RXFP1: variants seen among roughly 807,000 people sequenced by gnomAD.
RXFP1 encodes relaxin family peptide receptor 1.
A neutral mutation model predicts 89.8 loss-of-function variants in RXFP1; 73 were observed. The ratio of observed to expected loss-of-function variants is 0.81; its 90% CI spans 0.67 to 0.99. The LOEUF (loss-of-function observed/expected upper bound fraction) is 0.99, where lower values mean the gene tolerates loss of function less well. Among genes scored for constraint, RXFP1 ranks in the 50% least tolerant of loss-of-function variants. The pLI, the probability that RXFP1 is intolerant of heterozygous loss-of-function variation, is 0.00. For synonymous variants in RXFP1, 277 were observed against 305.5 expected (o/e 0.91, Z 0.97); for missense variants, 793 against 895.5 (o/e 0.89, Z 1.46).
chr4:158,527,202 A>G (rs1742724051), intron 1 of RXFP1, among the ~76,000 whole-genome samples: 1 of 152,128 alleles, frequency 6.6e-6, no homozygotes, highest in Non-Finnish European at 1.5e-5. Flanking sequence ...TTGAGTATCC[A>G]CTTGAACTAA....
rs1763735254 is a variant in RXFP1 at position 158,612,355 on chromosome 4, ATTCTC to A, written c.676_680del (p.Leu226SerfsTer5). ...AACATTTTATGGACTAAATTCTCTT[ATTCTC>A]TTGTAAGTACTAAACTAAAGCAAAT... On this transcript the variant is annotated frameshift_variant and splice_region_variant, in exon 8 of 18. Transcript: ENST00000307765. LOFTEE classifies it high-confidence loss of function. 2.5e-6 allele frequency: 4 copies of A among 1,602,428 alleles called. No homozygotes were observed. The highest frequency in any genetic ancestry group is 3.4e-6 in the Non-Finnish European group (4 of 1,170,738).
chr4:158,595,030 G>A (rs1182650933), intron 3 of RXFP1, among the ~76,000 whole-genome samples: 1 of 152,244 alleles, frequency 6.6e-6, no homozygotes, highest in East Asian at 1.9e-4. Flanking sequence ...TAAGCACAAT[G>A]TATTATGTAG....
intron 3 of RXFP1, among the ~76,000 whole-genome samples, chr4:158,595,939 AG>A (rs1760483920): frequency 6.6e-6 from 1 of 151,672 alleles, no homozygotes; most frequent in Admixed American, 6.6e-5. Flanking sequence ...ACTTGAGACC[AG>A]GAGTTCAAGA....
At chr4:158,528,112 TCA>T (rs1743042493) in intron 1 of RXFP1, among the ~76,000 whole-genome samples, 1 of 152,178 alleles carries the variant, frequency 6.6e-6, no homozygotes, top group South Asian at 2.1e-4. Context: ...TAAATCATTC[TCA>T]CAACCAAGGA....
chr4:158,573,282 A>G (rs1755516495), intron 2 of RXFP1, among the ~76,000 whole-genome samples: 1 of 152,170 alleles, frequency 6.6e-6, no homozygotes, highest in South Asian at 2.1e-4. Context: ...TGCCGGGATT[A>G]CAGGCATGAG....
chr4:158,560,658 T>A (rs1752245574), intron 1 of RXFP1, among the ~76,000 whole-genome samples: 1 of 152,198 alleles, frequency 6.6e-6, no homozygotes, highest in Admixed American at 6.5e-5. Flanking sequence ...TAGGTATCTG[T>A]GGGTTTCCTT....
At chr4:158,543,977 A>T in intron 1 of RXFP1, 1 of 985,476 alleles carries the variant, frequency 1.0e-6, no homozygotes, top group South Asian at 4.7e-5. Flanking sequence ...GCATTCTGCC[A>T]TGTTTCGTCC....
rs578059623 is a variant in RXFP1, at chr4:158,637,482, G to T, written c.972-526G>T. On this transcript the variant is annotated intron_variant, in intron 12 of 17. Coordinates refer to ENST00000307765, the MANE Select transcript of RXFP1 (RefSeq NM_021634.4). ...TGGTTTCAGTTTGCATTTCTCTGAT[G>T]ATTAGTGATGTTGAGCACTTTTTCA... Among the ~76,000 whole-genome samples the T allele has an allele frequency of 1.1e-4, 17 of 152,256 alleles. 1 individual carries two copies. In the South Asian group the frequency reaches 3.5e-3, roughly 32 times the overall value.
At chr4:158,543,171 A>C (rs770095093) in intron 1 of RXFP1, among the ~76,000 whole-genome samples, 3 of 152,162 alleles carry the variant, frequency 2.0e-5, no homozygotes, top group Non-Finnish European at 4.4e-5. Context: ...GCATTGCGGC[A>C]GCTATTCAGC....
intron 15 of RXFP1, chr4:158,646,167 A>G (rs1003006317): frequency 3.5e-5 from 10 of 287,726 alleles, no homozygotes; most frequent in African/African-American, 2.3e-4. Context: ...CCCTAAAAAG[A>G]GACAGAAAAA....
Position 158,549,184 on chromosome 4 carries a change from G to A in RXFP1, c.50-23514G>A, listed in dbSNP as rs1328728770. On this transcript the variant is annotated intron_variant, in intron 1 of 17. Coordinates refer to ENST00000307765, the MANE Select transcript of RXFP1 (RefSeq NM_021634.4). ...CTTTTTTCTCTAAACTTCCCTTCTC[G>A]CTTCATTTCATTCATTTCATCTTCC... 5.2e-4 allele frequency among the ~76,000 whole-genome samples: 78 copies of A among 151,032 alleles called. No homozygotes were observed. The South Asian group carries it at 0.01, about 20-fold the overall frequency.
chr4:158,651,804 G>T lies in RXFP1; in HGVS notation c.2023G>T (p.Ala675Ser). Residue 675 changes from alanine (A) to serine (S), a missense_variant, in exon 18 of 18, where the codon GCT (alanine) becomes TCT (serine). Physicochemically the swap from Ala to Ser is moderately conservative, Grantham distance 99. Transcript: ENST00000307765. ...VVIFILPINSALNPILYTLTT... is the reference protein window; with the variant it reads ...VVIFILPINSSLNPILYTLTT... ...GATTTTTATTCTGCCCATTAACAGT[G>T]CTTTGAACCCAATTCTCTATACTCT... is the stretch of plus-strand genomic sequence containing the variant. 1 of 1,613,928 alleles carries T rather than the reference G, an allele frequency of 6.2e-7. No homozygotes were observed. The highest frequency in any genetic ancestry group is 8.5e-7 in the Non-Finnish European group (1 of 1,179,924).
chr4:158,617,430 T>C (rs71607200), intron 9 of RXFP1, among the ~76,000 whole-genome samples: 1 of 144,566 alleles, frequency 6.9e-6, no homozygotes, highest in African/African-American at 2.6e-5. Context: ...AAAAAAAATA[T>C]ATATATATAT....
At chr4:158,584,805 T>A (rs1427243670) in intron 2 of RXFP1, among the ~76,000 whole-genome samples, 2 of 152,180 alleles carry the variant, frequency 1.3e-5, no homozygotes, top group South Asian at 2.1e-4. Flanking sequence ...TGCATTTTTT[T>A]AACAAATACC....
intron 1 of RXFP1, among the ~76,000 whole-genome samples, chr4:158,546,932 C>A (rs890177350): frequency 1.9e-4 from 29 of 151,868 alleles, no homozygotes; most frequent in South Asian, 1.5e-3. Context: ...TGTCTCTGCC[C>A]GGCTTTGGTA....
intron 1 of RXFP1, among the ~76,000 whole-genome samples, chr4:158,547,560 C>G (rs945294473): frequency 1.3e-5 from 2 of 152,012 alleles, no homozygotes; most frequent in African/African-American, 4.8e-5. Flanking sequence ...AATTTTGGAT[C>G]TTTCCTGCTT....
intron 12 of RXFP1, 84 bp from the exon 13 acceptor site, chr4:158,637,924 A>T: frequency 2.4e-6 from 2 of 816,892 alleles, no homozygotes; most frequent in Non-Finnish European, 4.2e-6. Flanking sequence ...TAAATATGTT[A>T]AAGTAACCCA....
intron 1 of RXFP1, among the ~76,000 whole-genome samples, chr4:158,528,972 G>A (rs1469808422): frequency 6.6e-6 from 1 of 152,162 alleles, no homozygotes; most frequent in African/African-American, 2.4e-5. Flanking sequence ...GACAGTGGAG[G>A]CCCTGGTCGT....
At chr4:158,556,483 G>C (rs1751335765) in intron 1 of RXFP1, among the ~76,000 whole-genome samples, 1 of 152,134 alleles carries the variant, frequency 6.6e-6, no homozygotes, top group Admixed American at 6.5e-5. Flanking sequence ...AATTAGTGCA[G>C]CCATTATGGA....
Sources: allele counts gnomAD v4.1 joint callset (sites outside exome capture counted in the v4.1 genomes callset), GRCh38; gene constraint gnomAD v4.1.1; transcripts MANE v1.5; gene names NCBI Gene and HGNC (gene_info 2026-07-23, HGNC 2026-07-21).